NDUFS4: variants seen among roughly 807,000 people sequenced by gnomAD.
The protein encoded by NDUFS4 is NADH dehydrogenase [ubiquinone] iron-sulfur protein 4, mitochondrial.
NDUFS4 carries 28 observed loss-of-function variants against 24.3 expected under a neutral mutation model. The ratio of observed to expected loss-of-function variants is 1.15; its 90% CI spans 0.85 to 1.58. The LOEUF (loss-of-function observed/expected upper bound fraction) is 1.58. NDUFS4 is among the 40% of genes most tolerant of loss of function. The pLI is 0.00. For synonymous variants in NDUFS4, 93 were observed against 69.7 expected (o/e 1.34, Z -1.67); for missense variants, 223 against 207.9 (o/e 1.07, Z -0.45).
chr5:53,640,415 A>C (rs538489670), intron 2 of NDUFS4, among the ~76,000 whole-genome samples: 3 of 152,206 alleles, frequency 2.0e-5, no homozygotes, highest in African/African-American at 7.2e-5. Context: ...ATTTATAAAG[A>C]AAAGAAATAT....
At chr5:53,678,686 TAAAG>T (rs768796127) in intron 4 of NDUFS4, among the ~76,000 whole-genome samples, 1 of 152,184 alleles carries the variant, frequency 6.6e-6, no homozygotes, top group African/African-American at 2.4e-5. Context: ...ATTTTAGGGT[TAAAG>T]AAAGACATTC....
At chr5:53,572,552 T>G (rs1579821740) in intron 1 of NDUFS4, among the ~76,000 whole-genome samples, 2 of 152,184 alleles carry the variant, frequency 1.3e-5, no homozygotes, top group East Asian at 3.8e-4. Context: ...TGAAGTTAGT[T>G]TACTAGTATT....
In NDUFS4 at chr5:53,646,994, C is replaced by T. The variant is rs372722429; in HGVS notation, c.350+589C>T. Among the ~76,000 whole-genome samples, 9 of 151,802 alleles carry T rather than the reference C, an allele frequency of 5.9e-5. No individual in the cohort carries two copies. In the South Asian group the frequency reaches 1.0e-3, roughly 18 times the overall value. On this transcript the variant is annotated intron_variant, in intron 3 of 4. Transcript: ENST00000296684. ...CAGATAAGGGGGAATACTGTTTTAT[C>T]CAAGATACTGTAAGAATGGTGTTTA...
At chr5:53,605,914 T>A (rs1270165456) in intron 2 of NDUFS4, among the ~76,000 whole-genome samples, 1 of 150,578 alleles carries the variant, frequency 6.6e-6, no homozygotes, top group Non-Finnish European at 1.5e-5. Flanking sequence ...CTGAGGAGGC[T>A]GAGGCAGGAG....
intron 1 of NDUFS4, among the ~76,000 whole-genome samples, chr5:53,596,055 C>T (rs1750123423): frequency 6.6e-6 from 1 of 152,140 alleles, no homozygotes; most frequent in Non-Finnish European, 1.5e-5. Flanking sequence ...ATTATCTTCA[C>T]TATTGTTTTC....
chr5:53,645,479 T>C (rs1415702158), intron 2 of NDUFS4, among the ~76,000 whole-genome samples: 1 of 152,206 alleles, frequency 6.6e-6, no homozygotes, highest in Non-Finnish European at 1.5e-5. Context: ...ATGTATCTAC[T>C]CTGGGGCATC....
intron 2 of NDUFS4, among the ~76,000 whole-genome samples, chr5:53,632,263 T>C (rs1751431319): frequency 6.6e-6 from 1 of 152,220 alleles, no homozygotes. Context: ...ATACAGCATT[T>C]AGATTTGTTT....
At chr5:53,620,438 A>G (rs1282202309) in intron 2 of NDUFS4, among the ~76,000 whole-genome samples, 1 of 152,198 alleles carries the variant, frequency 6.6e-6, no homozygotes, top group African/African-American at 2.4e-5. Flanking sequence ...TTACAAATTT[A>G]TGTATCATTG....
chr5:53,626,724 G>C (rs1751238474), intron 2 of NDUFS4, among the ~76,000 whole-genome samples: 1 of 151,974 alleles, frequency 6.6e-6, no homozygotes, highest in Non-Finnish European at 1.5e-5. Flanking sequence ...TTTTTGATGG[G>C]GCTGTTGGTT....
rs114988339 is a variant in NDUFS4 at position 53,664,651 on chromosome 5, G to A, written c.424+6027G>A. Among the ~76,000 whole-genome samples, 549 of 152,246 alleles carry A rather than the reference G, an allele frequency of 3.6e-3. 1 individual carries two copies. The highest frequency in any genetic ancestry group is 0.014 in the Middle Eastern group (4 of 294). On this transcript the variant is annotated intron_variant, in intron 4 of 4. Transcript: ENST00000296684. Reference sequence around the variant, plus strand: ...CTACTGAGGCTTGTGTATTTGTCACGTAGTTCTTGTTCCGTGGTTTTCAGC... The same window carrying A: ...CTACTGAGGCTTGTGTATTTGTCACATAGTTCTTGTTCCGTGGTTTTCAGC...
At chr5:53,575,007 T>A (rs1749337465) in intron 1 of NDUFS4, among the ~76,000 whole-genome samples, 1 of 152,214 alleles carries the variant, frequency 6.6e-6, no homozygotes, top group Non-Finnish European at 1.5e-5. Flanking sequence ...CTTCAGATTT[T>A]TGGCTCCCGC....
intron 1 of NDUFS4, among the ~76,000 whole-genome samples, chr5:53,576,589 A>T (rs761561032): frequency 6.6e-6 from 1 of 152,170 alleles, no homozygotes; most frequent in Non-Finnish European, 1.5e-5. Context: ...ATCCTGGAGA[A>T]ATACTTGATT....
chr5:53,659,795 T>C (rs899395364), intron 4 of NDUFS4, among the ~76,000 whole-genome samples: 5 of 152,166 alleles, frequency 3.3e-5, no homozygotes, highest in Non-Finnish European at 5.9e-5. Context: ...TCACCTAGTA[T>C]TGTATAGCTT....
At chr5:53,598,059 C>T (rs745808025) in intron 1 of NDUFS4, among the ~76,000 whole-genome samples, 1 of 152,180 alleles carries the variant, frequency 6.6e-6, no homozygotes, top group Non-Finnish European at 1.5e-5. Flanking sequence ...TGAAATAGTA[C>T]TACACACCTG....
rs187487403 is a variant in NDUFS4, at chr5:53,612,826, A to G, written c.177+9296A>G. Among the ~76,000 whole-genome samples, 4 of 152,224 alleles carry G rather than the reference A, an allele frequency of 2.6e-5. No individual in the cohort carries two copies. In the East Asian group the frequency reaches 7.7e-4, roughly 29 times the overall value. On this transcript the variant is annotated intron_variant, in intron 2 of 4. Coordinates refer to ENST00000296684, the MANE Select transcript of NDUFS4 (RefSeq NM_002495.4). Reference sequence around the variant, plus strand: ...AATACAATTTTTTTGTCAATTTGTAATAGTTAAAAACATTTTATTACTCGA... The same window carrying G: ...AATACAATTTTTTTGTCAATTTGTAGTAGTTAAAAACATTTTATTACTCGA...
intron 2 of NDUFS4, among the ~76,000 whole-genome samples, chr5:53,607,101 A>T (rs1946517127): frequency 2.0e-5 from 3 of 152,234 alleles, no homozygotes; most frequent in Admixed American, 6.5e-5. Context: ...CTGACTGTAG[A>T]TCAGACCAGA....
intron 1 of NDUFS4, among the ~76,000 whole-genome samples, chr5:53,601,154 C>A (rs1750309047): frequency 6.6e-6 from 1 of 151,996 alleles, no homozygotes; most frequent in Admixed American, 6.6e-5. Context: ...CAGGGGCCCG[C>A]TGCTACGCCC....
At chr5:53,627,800 C>G (rs577588023) in intron 2 of NDUFS4, among the ~76,000 whole-genome samples, 4 of 152,286 alleles carry the variant, frequency 2.6e-5, no homozygotes, top group African/African-American at 4.8e-5. Context: ...ATGGTACTTT[C>G]ATGATACACA....
At chr5:53,668,134 C>A (rs1214436419) in intron 4 of NDUFS4, among the ~76,000 whole-genome samples, 1 of 152,148 alleles carries the variant, frequency 6.6e-6, no homozygotes, top group African/African-American at 2.4e-5. Context: ...ATTTATGTAT[C>A]ACTTATCAAA....
Sources: allele counts gnomAD v4.1 joint callset (sites outside exome capture counted in the v4.1 genomes callset), GRCh38; gene constraint gnomAD v4.1.1; transcripts MANE v1.5; gene names NCBI Gene and HGNC (gene_info 2026-07-23, HGNC 2026-07-21).